Variants in PACS1 observed in about 807,000 individuals in gnomAD.
The protein encoded by PACS1 is phosphofurin acidic cluster sorting protein 1, also known as PACS-1.
A neutral mutation model predicts 115.0 loss-of-function variants in PACS1; 24 were observed. The observed-to-expected ratio is 0.21, with a 90% confidence interval of 0.15 to 0.29. The LOEUF (loss-of-function observed/expected upper bound fraction) is 0.29. PACS1 is among the 10% of genes least tolerant of loss of function. The pLI is 1.00. For synonymous variants in PACS1, 453 were observed against 504.5 expected (o/e 0.90, Z 1.37); for missense variants, 838 against 1,251.2 (o/e 0.67, Z 4.98).
At chr11:66,203,319 A>G (rs1287750392) in intron 2 of PACS1, among the ~76,000 whole-genome samples, 1 of 152,244 alleles carries the variant, frequency 6.6e-6, no homozygotes, top group Admixed American at 6.5e-5. Context: ...TCTATATTAA[A>G]AACTGTAAAA....
At position 66,241,599 on chromosome 11, in the gene PACS1, C is replaced by A. The variant is rs751397904; in HGVS notation, c.2602C>A (p.Gln868Lys). 1.9e-6 allele frequency: 3 copies of A among 1,614,070 alleles called. No individual in the cohort carries two copies. In the South Asian group the frequency reaches 3.3e-5, roughly 18 times the overall value. Reference protein sequence around the residue: ...VSRLPHSGEAQLSGTMAMTVV... With the variant: ...VSRLPHSGEAKLSGTMAMTVV... ...CCGCCTGCCCCATAGTGGGGAGGCCCAGCTTTCTGGCACCATGGCCATGAC... is the reference window on the plus strand; with the variant it reads ...CCGCCTGCCCCATAGTGGGGAGGCCAAGCTTTCTGGCACCATGGCCATGAC... Residue 868 changes from glutamine to lysine, a missense_variant, in exon 22 of 24, where the codon CAG becomes AAG. By Grantham distance (53) the Gln-to-Lys change is moderately conservative (BLOSUM62 1). This residue lies in a region of PACS1 where 84 missense variants were observed against 187.1 expected (regional missense o/e 0.45). Transcript: ENST00000320580.
At chr11:66,079,186 C>T (rs1312928376) in intron 1 of PACS1, among the ~76,000 whole-genome samples, 2 of 151,966 alleles carry the variant, frequency 1.3e-5, no homozygotes, top group Non-Finnish European at 2.9e-5. Context: ...CGCCCAGCCT[C>T]TTTTCAGTTG....
In PACS1 at chr11:66,230,901, C is replaced by T. The variant is rs370986656; in HGVS notation, c.1587C>T (p.Ser529=). 1.7e-5 allele frequency: 28 copies of T among 1,614,034 alleles called. No individual in the cohort carries two copies. The highest frequency in any genetic ancestry group is 2.7e-5 in the African/African-American group (2 of 74,924). The change falls in exon 13 of 24, where the codon TCC becomes TCT. Residue 529 remains serine, a synonymous_variant. Coordinates refer to ENST00000320580, the MANE Select transcript of PACS1 (RefSeq NM_018026.4). The part of the protein sequence containing the change: ...SKPLSERTNS[S]DSERSPDLGH... ...CCCTAAGTGAGAGGACCAACAGTTC[C>T]GACAGCGAGCGCTCCCCAGATCTGG...
chr11:66,211,865 A>G, intron 4 of PACS1, among the ~76,000 whole-genome samples: 1 of 152,146 alleles, frequency 6.6e-6, no homozygotes, highest in East Asian at 1.9e-4. Context: ...TGTGCCGCAT[A>G]TCACTGTGTC....
At chr11:66,219,500 C>T (rs754114872) in intron 7 of PACS1, 75 of 643,032 alleles carry the variant, frequency 1.2e-4, no homozygotes, top group Middle Eastern at 3.9e-4. Context: ...TGTTGGGGCA[C>T]AGGGGGGTGG....
chr11:66,202,742 AATATATATATATATATAT>A (rs56203680), intron 2 of PACS1, among the ~76,000 whole-genome samples: 3 of 71,652 alleles, frequency 4.2e-5, no homozygotes, highest in African/African-American at 1.6e-4. Flanking sequence ...AAAAAAAAAA[AATATATATATATATATAT>A]ATATATATAT....
intron 1 of PACS1, among the ~76,000 whole-genome samples, chr11:66,171,966 C>T (rs1859750691): frequency 6.6e-6 from 1 of 152,126 alleles, no homozygotes; most frequent in Admixed American, 6.6e-5. Context: ...AATGTGAATA[C>T]TTAAGAGTTT....
intron 1 of PACS1, among the ~76,000 whole-genome samples, chr11:66,160,144 C>A (rs1040981799): frequency 6.6e-6 from 1 of 152,104 alleles, no homozygotes; most frequent in Non-Finnish European, 1.5e-5. Context: ...AACACATTAG[C>A]GCAATGTGAC....
At chr11:66,082,323 C>CTT (rs1857494925) in intron 1 of PACS1, among the ~76,000 whole-genome samples, 1 of 152,094 alleles carries the variant, frequency 6.6e-6, no homozygotes, top group Non-Finnish European at 1.5e-5. Flanking sequence ...TTCCTGGACT[C>CTT]AAGTGATCCT....
At chr11:66,162,112 G>GTTTTTTTTTTTT (rs58980906) in intron 1 of PACS1, among the ~76,000 whole-genome samples, 1 of 56,320 alleles carries the variant, frequency 1.8e-5, no homozygotes, top group East Asian at 7.2e-4. Context: ...GGTGGTGGTG[G>GTTTTTTTTTTTT]TTTTTTTTTT....
At chr11:66,180,965 A>G (rs1859997465) in intron 1 of PACS1, among the ~76,000 whole-genome samples, 1 of 152,106 alleles carries the variant, frequency 6.6e-6, no homozygotes, top group Non-Finnish European at 1.5e-5. Flanking sequence ...AGCCCTTTCA[A>G]CCATTATCCC....
chr11:66,161,430 G>C (rs1164315112), intron 1 of PACS1, among the ~76,000 whole-genome samples: 1 of 152,120 alleles, frequency 6.6e-6, no homozygotes, highest in Non-Finnish European at 1.5e-5. Context: ...TCTAGCCTGA[G>C]GGACAGAGCA....
intron 1 of PACS1, among the ~76,000 whole-genome samples, chr11:66,123,154 G>C (rs892590745): frequency 6.6e-6 from 1 of 150,564 alleles, no homozygotes; most frequent in African/African-American, 2.4e-5. Flanking sequence ...CCAGGAGAAA[G>C]ATTGCAACTT....
chr11:66,090,788 A>G (rs932753591), intron 1 of PACS1, among the ~76,000 whole-genome samples: 4 of 152,186 alleles, frequency 2.6e-5, no homozygotes, highest in African/African-American at 9.7e-5. Flanking sequence ...TATCAGATGA[A>G]TATAGGTGAT....
At chr11:66,227,759 C>G (rs772994976) in intron 11 of PACS1, among the ~76,000 whole-genome samples, 175 bp downstream of exon 11, 12 of 152,218 alleles carry the variant, frequency 7.9e-5, no homozygotes, top group Non-Finnish European at 1.8e-4. Flanking sequence ...CAACCTACTA[C>G]CTGGTGTAGA....
At chr11:66,125,452 G>C (rs1169002287) in intron 1 of PACS1, among the ~76,000 whole-genome samples, 1 of 152,156 alleles carries the variant, frequency 6.6e-6, no homozygotes, top group Admixed American at 6.5e-5. Context: ...TAGTAAAGAA[G>C]ATATAAACCA....
At chr11:66,137,385 A>C (rs1008994765) in intron 1 of PACS1, among the ~76,000 whole-genome samples, 7 of 152,102 alleles carry the variant, frequency 4.6e-5, no homozygotes, top group Non-Finnish European at 1.0e-4. Flanking sequence ...AACATTATTG[A>C]ATTACTCATT....
At chr11:66,117,193 G>A (rs916700510) in intron 1 of PACS1, among the ~76,000 whole-genome samples, 5 of 152,128 alleles carry the variant, frequency 3.3e-5, no homozygotes, top group Non-Finnish European at 5.9e-5. Context: ...GGGCGCAGTG[G>A]TTCACACCTG....
chr11:66,187,247 A>G (rs149998999), intron 1 of PACS1, among the ~76,000 whole-genome samples: 8 of 152,314 alleles, frequency 5.3e-5, no homozygotes, highest in African/African-American at 1.7e-4. Context: ...GTTTTGATAC[A>G]TGCAATGTAT....
Sources: gnomAD v4.1 joint callset for allele counts (sites outside exome capture counted in the v4.1 genomes callset) on GRCh38, gnomAD v4.1.1 for gene constraint, gnomAD v4.1.1 regional missense constraint, MANE v1.5 for transcripts, NCBI Gene and HGNC (gene_info 2026-07-23, HGNC 2026-07-21) for gene names.